Variants in ADCY10 observed in about 807,000 individuals in gnomAD.
ADCY10 encodes adenylate cyclase 10.
A neutral mutation model predicts 183.3 loss-of-function variants in ADCY10; 156 were observed. That is an observed-to-expected ratio of 0.85 (90% CI 0.75 to 0.97). The LOEUF (loss-of-function observed/expected upper bound fraction) is 0.97, where lower values mean the gene tolerates loss of function less well. Ranked by LOEUF, ADCY10 falls within the 50% of genes least tolerant of loss-of-function variation. The pLI, the probability that ADCY10 is intolerant of heterozygous loss-of-function variation, is 0.00. For missense variants in ADCY10, 1,745 were observed against 1,934.3 expected (o/e 0.90, Z 1.84); for synonymous variants, 645 against 670.0 (o/e 0.96, Z 0.58).
intron 32 of ADCY10, 105 bp from the exon 33 acceptor site, chr1:167,809,944 T>A: frequency 8.3e-7 from 1 of 1,208,976 alleles, no homozygotes; most frequent in South Asian, 1.3e-5. Flanking sequence ...GTAAAAACCA[T>A]GTGAACCCAT....
rs780185163 is a variant in ADCY10 at position 167,810,713 on chromosome 1, GATGATAC to G, written c.4671+5_4671+11del. 6.2e-7 allele frequency: 1 copy of G among 1,614,030 alleles called. No individual in the cohort carries two copies. The highest frequency in any genetic ancestry group is 1.1e-5 in the South Asian group (1 of 91,056). ...GCATCGCCACCCCGGTTTGCTAGCT[GATGATAC>G]ATACTTTGTTCATGTTCAGCCAGCA... On this transcript the variant is annotated splice_donor_5th_base_variant and intron_variant, in intron 32 of 32. Transcript: ENST00000367851.
At chr1:167,887,762 T>A (rs1278574024) in intron 8 of ADCY10, among the ~76,000 whole-genome samples, 1 of 151,264 alleles carries the variant, frequency 6.6e-6, no homozygotes, top group Non-Finnish European at 1.5e-5. Flanking sequence ...TAATTTTTTA[T>A]CTGATAAAAT....
chr1:167,836,743 A>G (rs1041886131), intron 22 of ADCY10, among the ~76,000 whole-genome samples: 7 of 152,134 alleles, frequency 4.6e-5, no homozygotes, highest in African/African-American at 1.7e-4. Context: ...TATAAAAATT[A>G]GGCCGGGTGC....
intron 30 of ADCY10, chr1:167,821,182 T>C (rs773805351): frequency 1.3e-5 from 2 of 152,262 alleles, no homozygotes; most frequent in African/African-American, 2.4e-5. Flanking sequence ...ATTCATCTCC[T>C]TCCTTAAGGG....
intron 14 of ADCY10, among the ~76,000 whole-genome samples, chr1:167,863,336 T>A (rs879744901): frequency 6.6e-6 from 1 of 152,092 alleles, no homozygotes; most frequent in African/African-American, 2.4e-5. Flanking sequence ...CTGTTCTGTT[T>A]CACTGTGACC....
intron 21 of ADCY10, among the ~76,000 whole-genome samples, chr1:167,844,766 C>A (rs1233638364): frequency 6.6e-6 from 1 of 152,074 alleles, no homozygotes; most frequent in Admixed American, 6.6e-5. Context: ...TACATTTCTT[C>A]CTGATTTTTA....
chr1:167,817,297 G>A lies in ADCY10; in HGVS notation c.4482+775C>T, dbSNP rs536769170. On this transcript the variant is annotated intron_variant, in intron 31 of 32. Transcript: ENST00000367851. ...CGAGAATTGTTTGAACCCGGGAGGC[G>A]GAGGTTGCAGTGAGTCGAGATTGCG... 8.2e-4 allele frequency among the ~76,000 whole-genome samples: 125 copies of A among 152,278 alleles called. 1 individual carries two copies. The highest frequency in any genetic ancestry group is 2.7e-3 in the African/African-American group (112 of 41,558).
At position 167,860,424 on chromosome 1, in the gene ADCY10, A is replaced by G. The variant is rs113244709; in HGVS notation, c.1809+447T>C. ...GTAATGTGAGCAATGGGGAGTGGCT[A>G]TAAATAGAGATGAAGCTTCACTTGC... On this transcript the variant is annotated intron_variant, in intron 15 of 32. Transcript: ENST00000367851. 7.2e-3 allele frequency among the ~76,000 whole-genome samples: 1,090 copies of G among 152,304 alleles called. 13 individuals carry two copies. Among genetic ancestry groups the G allele is most frequent in the African/African-American group, 0.025 (1,035 of 41,566 alleles).
chr1:167,873,682 A>G (rs559239299), intron 13 of ADCY10, among the ~76,000 whole-genome samples: 65 of 152,302 alleles, frequency 4.3e-4, no homozygotes, highest in Admixed American at 7.2e-4. Context: ...ATCACCAGGA[A>G]TCACAAAAAT....
At chr1:167,849,463 T>C (rs558519428) in intron 18 of ADCY10, among the ~76,000 whole-genome samples, 1 of 152,324 alleles carries the variant, frequency 6.6e-6, no homozygotes, top group African/African-American at 2.4e-5. Flanking sequence ...CTCTAAGTCA[T>C]GTACACTAAG....
Position 167,878,525 on chromosome 1 carries a change from TA to T in ADCY10, c.1326del (p.Phe442LeufsTer9). 6.2e-7 allele frequency: 1 copy of T among 1,614,158 alleles called. No homozygotes were observed. Among genetic ancestry groups the T allele is most frequent in the Non-Finnish European group, 8.5e-7 (1 of 1,180,030 alleles). On this transcript the variant is annotated frameshift_variant, in exon 12 of 33. Coordinates refer to ENST00000367851, the MANE Select transcript of ADCY10 (RefSeq NM_018417.6). LOFTEE classifies it high-confidence loss of function. Reference protein sequence around the residue: ...YNGSNLPAYFFKELPKKVMKG... With the variant: ...YNGSNLPAYFXKELPKKVMKG... ...TTCATAACTTTCTTTGGAAGCTCTT[TA>T]AAAAAGTACGCTGGTAGGTTGCTCC...
At chr1:167,852,711 A>T (rs1338150322) in intron 18 of ADCY10, among the ~76,000 whole-genome samples, 1 of 151,500 alleles carries the variant, frequency 6.6e-6, no homozygotes. Flanking sequence ...TTTTTTCATC[A>T]CAATCATCCA....
chr1:167,862,248 A>C (rs138685495), intron 14 of ADCY10, among the ~76,000 whole-genome samples: 78 of 152,318 alleles, frequency 5.1e-4, no homozygotes, highest in African/African-American at 1.5e-3. Flanking sequence ...GTGTGACCTT[A>C]TTTGAAAAGA....
intron 6 of ADCY10, among the ~76,000 whole-genome samples, chr1:167,898,491 T>G (rs1669159350): frequency 6.6e-6 from 1 of 151,906 alleles, no homozygotes; most frequent in Non-Finnish European, 1.5e-5. Flanking sequence ...TTCCAGCGAC[T>G]CGGAAGGTTG....
At position 167,817,637 on chromosome 1, in the gene ADCY10, C is replaced by T. The variant is rs935044990; in HGVS notation, c.4482+435G>A. The stretch of plus-strand genomic sequence containing the variant: ...TAAATTGTCGTGTGGAATGATTTGT[C>T]TACCAGGATGCTTTATCACAGCAAT... On this transcript the variant is annotated intron_variant, in intron 31 of 32. Coordinates refer to ENST00000367851, the MANE Select transcript of ADCY10 (RefSeq NM_018417.6). Among the ~76,000 whole-genome samples the T allele has an allele frequency of 2.6e-5, 4 of 152,140 alleles. 1 individual carries two copies. The highest frequency in any genetic ancestry group is 9.7e-5 in the African/African-American group (4 of 41,408).
At chr1:167,872,694 T>C (rs1014155956) in intron 13 of ADCY10, among the ~76,000 whole-genome samples, 2 of 150,994 alleles carry the variant, frequency 1.3e-5, no homozygotes, top group Non-Finnish European at 2.9e-5. Flanking sequence ...TGTTTGGTTA[T>C]AGCTTGAAGG....
At chr1:167,842,999 C>CA (rs902846188) in intron 21 of ADCY10, among the ~76,000 whole-genome samples, 2 of 152,144 alleles carry the variant, frequency 1.3e-5, no homozygotes, top group Admixed American at 1.3e-4. Flanking sequence ...AGGGAATTTA[C>CA]AAAGTCTCTA....
chr1:167,893,029 G>A (rs1020903941), intron 8 of ADCY10, among the ~76,000 whole-genome samples: 3 of 152,188 alleles, frequency 2.0e-5, no homozygotes, highest in Non-Finnish European at 4.4e-5. Flanking sequence ...CTGGCATATG[G>A]TGAGTGATAA....
chr1:167,864,790 C>T (rs897452405), intron 14 of ADCY10, among the ~76,000 whole-genome samples: 12 of 151,802 alleles, frequency 7.9e-5, no homozygotes, highest in African/African-American at 2.7e-4. Context: ...TAAACAAGGG[C>T]GTATCCCGAA....
Sources: allele counts gnomAD v4.1 joint callset (sites outside exome capture counted in the v4.1 genomes callset), GRCh38; gene constraint gnomAD v4.1.1; transcripts MANE v1.5; gene names NCBI Gene and HGNC (gene_info 2026-07-23, HGNC 2026-07-21).